Variants in DICER1 observed in about 807,000 individuals in gnomAD.
DICER1 encodes endoribonuclease Dicer.
DICER1 carries 43 observed loss-of-function variants against 194.1 expected under a neutral mutation model. The observed-to-expected ratio is 0.22, with a 90% CI of 0.17 to 0.29. The LOEUF (loss-of-function observed/expected upper bound fraction) is 0.29. Among genes scored for constraint, DICER1 ranks in the 10% least tolerant of loss-of-function variants. The pLI, the probability that DICER1 is intolerant of heterozygous loss-of-function variation, is 1.00. For missense variants in DICER1, 1,608 were observed against 2,317.0 expected (o/e 0.69, Z 6.28); for synonymous variants, 832 against 820.5 (o/e 1.01, Z -0.24).
Position 95,103,901 on chromosome 14 carries a change from G to C in DICER1, c.3495C>G (p.His1165Gln), listed in dbSNP as rs372581591. 6.2e-7 allele frequency: 1 copy of C among 1,614,146 alleles called. No homozygotes were observed. Among genetic ancestry groups the C allele is most frequent in the East Asian group, 2.2e-5 (1 of 44,876 alleles). Residue 1165 changes from histidine to glutamine, a missense_variant, in exon 21 of 27, where the codon CAC (histidine) becomes CAG (glutamine). Around this residue, in one of 10 missense-constraint regions of DICER1, gnomAD observed 222 missense variants for 215.5 expected, o/e 1.03. Coordinates refer to ENST00000343455, the MANE Select transcript of DICER1 (RefSeq NM_177438.3). Reference sequence around the variant, plus strand: ...CTGTAAGATCTGCTGAAACTTCAACGTGGAGCTTACCAGGGGACTCGCTGA... The same window carrying C: ...CTGTAAGATCTGCTGAAACTTCAACCTGGAGCTTACCAGGGGACTCGCTGA... The part of the protein sequence containing the change: ...TLLSESPGKL[H>Q]VEVSADLTAI...
chr14:95,090,963 A>G, intron 26 of DICER1, 71 bp downstream of exon 26: 2 of 1,398,502 alleles, frequency 1.4e-6, no homozygotes, highest in Non-Finnish European at 2.0e-6. Flanking sequence ...ATTAGTTTAC[A>G]ATATCTTTGT....
intron 17 of DICER1, among the ~76,000 whole-genome samples, chr14:95,107,091 C>T (rs1231211226): frequency 6.6e-6 from 1 of 152,150 alleles, no homozygotes; most frequent in Admixed American, 6.5e-5. Flanking sequence ...TCACAGCTTA[C>T]TGCACAGCCT....
At chr14:95,098,879 T>C (rs554519428) in intron 22 of DICER1, among the ~76,000 whole-genome samples, 1 of 152,182 alleles carries the variant, frequency 6.6e-6, no homozygotes, top group East Asian at 1.9e-4. Flanking sequence ...AAAATCCAAA[T>C]AGTGTCACTG....
intron 21 of DICER1, among the ~76,000 whole-genome samples, chr14:95,103,011 T>G (rs1891024195): frequency 6.6e-6 from 1 of 152,204 alleles, no homozygotes; most frequent in South Asian, 2.1e-4. Context: ...CTGACTACAA[T>G]GCACATTTCT....
intron 6 of DICER1, among the ~76,000 whole-genome samples, chr14:95,127,929 G>A (rs1433960856): frequency 1.3e-5 from 2 of 152,314 alleles, no homozygotes; most frequent in East Asian, 1.9e-4. Flanking sequence ...TCGCAGAAGC[G>A]GAAAGAAGAA....
intron 1 of DICER1, among the ~76,000 whole-genome samples, chr14:95,141,917 T>C (rs576700467): frequency 6.4e-4 from 97 of 152,306 alleles, no homozygotes; most frequent in Non-Finnish European, 1.1e-3. Flanking sequence ...TATGTTCTAA[T>C]ACAGCCAGGA....
At chr14:95,157,143 G>A (rs1895945799) in intron 1 of DICER1, 87 bp downstream of exon 1, 1 of 149,944 alleles carries the variant, frequency 6.7e-6, no homozygotes, top group African/African-American at 2.4e-5. Context: ...TGGCCGGCAC[G>A]CGGGCCTCCG....
intron 7 of DICER1, 130 bp downstream of exon 7, chr14:95,126,450 G>A (rs1487680905): frequency 1.6e-6 from 1 of 627,276 alleles, no homozygotes; most frequent in African/African-American, 1.8e-5. Flanking sequence ...AATGAAAAAT[G>A]TCTAAAAAGA....
Position 95,153,317 on chromosome 14 carries a change from T to C in DICER1, c.-46+3913A>G, listed in dbSNP as rs930743143. Among the ~76,000 whole-genome samples, 3 of 152,164 alleles carry C rather than the reference T, an allele frequency of 2.0e-5. No homozygotes were observed. In the South Asian group the frequency reaches 6.2e-4, roughly 32 times the overall value. ...CCTGAATGGATTGTTATTTAGCATC[T>C]GTCAACAGCCTGAATGAGACAACTG... On this transcript the variant is annotated intron_variant, in intron 1 of 26. Transcript: ENST00000343455.
rs930600372 is a variant in DICER1, at chr14:95,157,374, C to G, written c.-190G>C. 1 of 154,254 alleles carries G rather than the reference C, an allele frequency of 6.5e-6. No homozygotes were observed. The highest frequency in any genetic ancestry group is 1.4e-5 in the Non-Finnish European group (1 of 69,632). The allele number at this position is 154,254 out of a possible 1,614,324, so 9.6% of individuals were successfully genotyped here. A position where few individuals can be genotyped will look rare whatever the true frequency, so the allele number is the denominator to read the frequency against. On this transcript the variant is annotated 5_prime_UTR_variant, in exon 1 of 27. Coordinates refer to ENST00000343455, the MANE Select transcript of DICER1 (RefSeq NM_177438.3). ...CTCGCCGTCGCCTCGTCCCCGCTGT[C>G]AGGTTACTCCATTCACCTGGGCCTG...
intron 21 of DICER1, among the ~76,000 whole-genome samples, chr14:95,100,961 G>T (rs1184763485): frequency 6.6e-6 from 1 of 152,160 alleles, no homozygotes; most frequent in Non-Finnish European, 1.5e-5. Flanking sequence ...ATAAATGCTA[G>T]CTTCCCTTTC....
chr14:95,106,638 A>G (rs1595375680), intron 17 of DICER1, among the ~76,000 whole-genome samples: 1 of 152,100 alleles, frequency 6.6e-6, no homozygotes, highest in East Asian at 1.9e-4. Context: ...GATGGTCCTG[A>G]TAACTAACAT....
chr14:95,128,197 C>T (rs1337835370), intron 6 of DICER1, among the ~76,000 whole-genome samples: 1 of 152,132 alleles, frequency 6.6e-6, no homozygotes, highest in Non-Finnish European at 1.5e-5. Flanking sequence ...CTAGCAAAAA[C>T]ATATATACTA....
intron 22 of DICER1, 141 bp from the exon 23 acceptor site, chr14:95,096,854 T>C: frequency 1.1e-6 from 1 of 929,654 alleles, no homozygotes; most frequent in Non-Finnish European, 1.6e-6. Flanking sequence ...ATCATGGCCA[T>C]TTGTTTTCAA....
chr14:95,142,869 G>C (rs759783240), intron 1 of DICER1, among the ~76,000 whole-genome samples: 3 of 152,220 alleles, frequency 2.0e-5, no homozygotes, highest in Non-Finnish European at 4.4e-5. Flanking sequence ...TCACAGGCTA[G>C]TAGCAAGAAA....
In DICER1 at chr14:95,099,910, A is replaced by C. The variant is rs1743395699; in HGVS notation, c.4076T>G (p.Leu1359Arg). Residue 1359 changes from leucine to arginine, a missense_variant, in exon 22 of 27, where the codon CTT becomes CGT. Coordinates refer to ENST00000343455, the MANE Select transcript of DICER1 (RefSeq NM_177438.3). ...KKVSNCNLYR[L>R]GKKKGLPSRM... ...GCTGGGTAGTCCCTTCTTTTTTCCA[A>C]GGCGATACAGATTACAGTTGCTGAC... The C allele has an allele frequency of 6.2e-7, 1 of 1,613,956 alleles. No individual in the cohort carries two copies.
chr14:95,106,254 T>C, intron 17 of DICER1, 31 bp from the exon 18 acceptor site: 1 of 1,545,556 alleles, frequency 6.5e-7, no homozygotes, highest in Non-Finnish European at 8.9e-7. Context: ...AACAATCAGT[T>C]GCTTTTTGAT....
intron 4 of DICER1, among the ~76,000 whole-genome samples, chr14:95,130,905 T>C (rs1180144717): frequency 6.6e-6 from 1 of 152,260 alleles, no homozygotes; most frequent in African/African-American, 2.4e-5. Context: ...ACTAAATTTT[T>C]TGAAAGCGCA....
At chr14:95,129,741 G>A in intron 5 of DICER1, 109 bp from the exon 6 acceptor site, 1 of 1,067,312 alleles carries the variant, frequency 9.4e-7, no homozygotes. Flanking sequence ...TAGTAAAAAA[G>A]AATTTGTTTG....
Sources: gnomAD v4.1 joint callset for allele counts (sites outside exome capture counted in the v4.1 genomes callset) on GRCh38, gnomAD v4.1.1 for gene constraint, gnomAD v4.1.1 regional missense constraint, MANE v1.5 for transcripts, NCBI Gene and HGNC (gene_info 2026-07-23, HGNC 2026-07-21) for gene names.